The following GNG12 variants were observed in gnomAD, a reference collection of about 807,000 sequenced individuals.
The protein encoded by GNG12 is guanine nucleotide-binding protein G(I)/G(S)/G(O) subunit gamma-12.
For synonymous variants in GNG12, 28 were observed against 29.7 expected, an observed-to-expected ratio of 0.94 and a Z score of 0.19; for missense variants, 69 against 83.8, an observed-to-expected ratio of 0.82 and a Z score of 0.69.
intron 3 of GNG12, among the ~76,000 whole-genome samples, chr1:67,706,805 G>A (rs569420370): frequency 8.9e-4 from 136 of 152,036 alleles, no homozygotes; most frequent in African/African-American, 3.2e-3. Context: ...ATAGGCGTGC[G>A]CACGCCACCG....
chr1:67,767,643 T>C (rs1359861774), intron 2 of GNG12, among the ~76,000 whole-genome samples: 1 of 152,232 alleles, frequency 6.6e-6, no homozygotes, highest in Non-Finnish European at 1.5e-5. Context: ...AGAGCATTTA[T>C]CTAAACATAG....
At chr1:67,733,697 C>T (rs1320510230) in intron 2 of GNG12, among the ~76,000 whole-genome samples, 1 of 152,198 alleles carries the variant, frequency 6.6e-6, no homozygotes, top group Non-Finnish European at 1.5e-5. Context: ...TTCTTTCCTT[C>T]TCCCCAGTGG....
chr1:67,771,013 C>CAG (rs149741254), intron 2 of GNG12, among the ~76,000 whole-genome samples: 64 of 149,612 alleles, frequency 4.3e-4, no homozygotes, highest in Admixed American at 1.3e-3. Context: ...GACAGAGATA[C>CAG]AGAGAGAGAG....
intron 2 of GNG12, among the ~76,000 whole-genome samples, chr1:67,727,077 G>T (rs1646390795): frequency 6.6e-6 from 1 of 152,142 alleles, no homozygotes; most frequent in African/African-American, 2.4e-5. Flanking sequence ...AGGGAAATAG[G>T]GCTGCGTCCA....
Position 67,827,342 on chromosome 1 carries a change from G to A in GNG12, c.-77+6002C>T, listed in dbSNP as rs558406545. ...AAACTGAAAATTACAGAAGATTTTA[G>A]CAACCAATCTCTTAGAACTTCTAGA... On this transcript the variant is annotated intron_variant, in intron 1 of 3. Transcript: ENST00000370982. Among the ~76,000 whole-genome samples the A allele has an allele frequency of 5.3e-5, 8 of 152,232 alleles. No individual in the cohort carries two copies. The South Asian group carries it at 6.2e-4, about 12-fold the overall frequency.
chr1:67,763,532 CT>C (rs113420131), intron 2 of GNG12, among the ~76,000 whole-genome samples: 4,274 of 143,550 alleles, frequency 0.03, 192 homozygotes, highest in African/African-American at 0.099. Flanking sequence ...ATATCCATCA[CT>C]TTTTTTTTTT....
At chr1:67,723,649 G>A (rs1319150794) in intron 2 of GNG12, among the ~76,000 whole-genome samples, 1 of 152,162 alleles carries the variant, frequency 6.6e-6, no homozygotes, top group African/African-American at 2.4e-5. Flanking sequence ...AATGCTATGA[G>A]GTTATTCCCA....
At chr1:67,805,356 A>C (rs1646889172) in intron 1 of GNG12, among the ~76,000 whole-genome samples, 1 of 152,248 alleles carries the variant, frequency 6.6e-6, no homozygotes, top group Non-Finnish European at 1.5e-5. Flanking sequence ...CAGAACCAGA[A>C]TCAGAAATTG....
chr1:67,793,999 C>G (rs761637143), intron 1 of GNG12, among the ~76,000 whole-genome samples: 1 of 152,172 alleles, frequency 6.6e-6, no homozygotes, highest in Non-Finnish European at 1.5e-5. Context: ...GGGATAAACT[C>G]TCATAGAGAG....
At chr1:67,800,095 C>T (rs1419942824) in intron 1 of GNG12, among the ~76,000 whole-genome samples, 2 of 152,184 alleles carry the variant, frequency 1.3e-5, no homozygotes, top group African/African-American at 4.8e-5. Context: ...CCGTATTCTG[C>T]TATATTAAAA....
At chr1:67,732,699 G>A (rs1040529719) in intron 2 of GNG12, among the ~76,000 whole-genome samples, 1 of 152,204 alleles carries the variant, frequency 6.6e-6, no homozygotes, top group South Asian at 2.1e-4. Flanking sequence ...GCTAGCATAA[G>A]AGGAAACTGA....
At chr1:67,785,626 T>C (rs887160242) in intron 1 of GNG12, among the ~76,000 whole-genome samples, 1 of 152,164 alleles carries the variant, frequency 6.6e-6, no homozygotes. Flanking sequence ...GAATTTTACA[T>C]AGTTAAGAGA....
intron 2 of GNG12, among the ~76,000 whole-genome samples, chr1:67,758,495 G>C (rs1292300513): frequency 6.6e-6 from 1 of 152,192 alleles, no homozygotes; most frequent in East Asian, 1.9e-4. Flanking sequence ...ACACAGCTTG[G>C]CATTGGCCTG....
At chr1:67,817,787 C>CTTTTTTTTTTTTTTTTTTT (rs66518207) in intron 1 of GNG12, among the ~76,000 whole-genome samples, 2 of 108,258 alleles carry the variant, frequency 1.8e-5, no homozygotes, top group African/African-American at 3.7e-5. Context: ...TTCTTTCTTT[C>CTTTTTTTTTTTTTTTTTTT]TTTTTTTTTT....
rs1646712710 is a variant in GNG12 at position 67,777,526 on chromosome 1, A to G, written c.-76-19T>C. The stretch of plus-strand genomic sequence containing the variant: ...AATGAATCTGAAATAGAATTAAATA[A>G]ACATTCCATAAGTAAATCACATTTG... On this transcript the variant is annotated intron_variant, in intron 1 of 3. Coordinates refer to ENST00000370982, the MANE Select transcript of GNG12 (RefSeq NM_018841.6). 2 of 659,600 alleles carry G rather than the reference A, an allele frequency of 3.0e-6. No homozygotes were observed. Among genetic ancestry groups the G allele is most frequent in the South Asian group, 1.4e-4 (2 of 14,506 alleles). The allele number at this position is 659,600 out of a possible 1,614,324, so 40.9% of individuals were successfully genotyped here. A position where few individuals can be genotyped will look rare whatever the true frequency, so the allele number is the denominator to read the frequency against.
rs190039483 is a variant in GNG12, at chr1:67,791,212, T to G, written c.-76-13705A>C. 5.9e-3 allele frequency among the ~76,000 whole-genome samples: 903 copies of G among 152,280 alleles called. 7 individuals carry two copies. Among genetic ancestry groups the G allele is most frequent in the African/African-American group, 0.021 (865 of 41,554 alleles). On this transcript the variant is annotated intron_variant, in intron 1 of 3. Transcript: ENST00000370982. ...GTAAATACAGTTTTTCTTAATCTTT[T>G]AAAATTCACACTCATTTCTGATAAC... is the stretch of plus-strand genomic sequence containing the variant.
intron 1 of GNG12, among the ~76,000 whole-genome samples, 180 bp downstream of exon 1, chr1:67,833,164 C>T (rs527658677): frequency 1.3e-5 from 2 of 151,940 alleles, no homozygotes; most frequent in South Asian, 4.2e-4. Context: ...CAGACCAGTC[C>T]CCGCCCTCCA....
intron 1 of GNG12, among the ~76,000 whole-genome samples, chr1:67,815,715 G>A (rs1410722435): frequency 1.3e-5 from 2 of 152,150 alleles, no homozygotes; most frequent in African/African-American, 4.8e-5. Flanking sequence ...CTCGGTATGT[G>A]CTGCGGGGAG....
chr1:67,782,157 G>A (rs1051417355), intron 1 of GNG12, among the ~76,000 whole-genome samples: 19 of 152,280 alleles, frequency 1.2e-4, no homozygotes, highest in Non-Finnish European at 2.5e-4. Context: ...GGACACTACT[G>A]TAGGGATAAA....
Sources: gnomAD v4.1 joint callset for allele counts (sites outside exome capture counted in the v4.1 genomes callset) on GRCh38, gnomAD v4.1.1 for gene constraint, MANE v1.5 for transcripts, NCBI Gene and HGNC (gene_info 2026-07-23, HGNC 2026-07-21) for gene names.